Variants in CNIH3 observed in about 807,000 individuals in gnomAD.
CNIH3 encodes cornichon family AMPA receptor auxiliary protein 3.
A neutral mutation model predicts 24.1 loss-of-function variants in CNIH3; 14 were observed. That is an observed-to-expected ratio of 0.58 (90% confidence interval 0.38 to 0.91). The LOEUF is 0.91. CNIH3 is among the 40% of genes least tolerant of loss of function. The probability of loss-of-function intolerance (pLI) is 0.00; values close to 1 mark genes in which losing one functional copy is unlikely to be tolerated. For synonymous variants in CNIH3, 68 were observed against 73.8 expected (o/e 0.92, Z 0.40); for missense variants, 178 against 196.8 (o/e 0.90, Z 0.57).
intron 1 of CNIH3, among the ~76,000 whole-genome samples, chr1:224,440,609 GC>G (rs1210402319): frequency 6.6e-6 from 1 of 152,170 alleles, no homozygotes; most frequent in Non-Finnish European, 1.5e-5. Flanking sequence ...AGTGAATAAT[GC>G]ATGTTACAAA....
At chr1:224,488,454 G>T (rs923381239) in intron 1 of CNIH3, among the ~76,000 whole-genome samples, 6 of 48,292 alleles carry the variant, frequency 1.2e-4, no homozygotes, top group African/African-American at 1.8e-4. Flanking sequence ...AGCCCATTCA[G>T]TAATTTTTTT....
chr1:224,511,314 C>T (rs1474831144), upstream of CNIH3, among the ~76,000 whole-genome samples: 1 of 152,192 alleles, frequency 6.6e-6, no homozygotes, highest in East Asian at 1.9e-4. Flanking sequence ...CTGTAAAATA[C>T]TCCTCTATCT....
At chr1:224,538,251 G>C (rs1679369783), downstream of CNIH3, among the ~76,000 whole-genome samples, 1 of 151,914 alleles carries the variant, frequency 6.6e-6, no homozygotes. Context: ...GCCTGGCCCA[G>C]ACATGTTAAT....
At chr1:224,447,949 C>T (rs778115517) in intron 1 of CNIH3, among the ~76,000 whole-genome samples, 14 of 152,148 alleles carry the variant, frequency 9.2e-5, no homozygotes, top group Admixed American at 4.6e-4. Context: ...ATAATTTGCC[C>T]AGGGTCACAC....
intron 1 of CNIH3, among the ~76,000 whole-genome samples, chr1:224,648,566 C>T (rs754502027): frequency 5.9e-5 from 9 of 152,178 alleles, no homozygotes; most frequent in Non-Finnish European, 1.5e-5. Flanking sequence ...AGGCATTCTT[C>T]ATTCTTCAGA....
At chr1:224,631,519 T>C (rs1043037396) in intron 1 of CNIH3, among the ~76,000 whole-genome samples, 2 of 152,212 alleles carry the variant, frequency 1.3e-5, no homozygotes, top group Non-Finnish European at 1.5e-5. Context: ...CTCTTGTTCA[T>C]CTTCCCTTCT....
At chr1:224,677,142 T>C (rs1332610249) in intron 1 of CNIH3, among the ~76,000 whole-genome samples, 3 of 152,128 alleles carry the variant, frequency 2.0e-5, no homozygotes, top group African/African-American at 4.8e-5. Flanking sequence ...AATAGTGAGG[T>C]AGGTACTATT....
At chr1:224,634,874 C>T (rs901799634) in intron 1 of CNIH3, among the ~76,000 whole-genome samples, 29 of 152,194 alleles carry the variant, frequency 1.9e-4, no homozygotes, top group Admixed American at 1.4e-3. Context: ...GCTGCATCCC[C>T]GCCAGGAGCT....
At chr1:224,636,174 C>T (rs1684080363) in intron 1 of CNIH3, among the ~76,000 whole-genome samples, 1 of 152,204 alleles carries the variant, frequency 6.6e-6, no homozygotes, top group Admixed American at 6.5e-5. Context: ...TGCACCAGGT[C>T]TTAGCTGATG....
downstream of CNIH3, among the ~76,000 whole-genome samples, chr1:224,589,342 G>A (rs1681651974): frequency 2.0e-5 from 3 of 152,184 alleles, no homozygotes; most frequent in South Asian, 6.2e-4. Context: ...ACAGCATCAT[G>A]TTTATAATAA....
At chr1:224,516,013 T>C (rs1162628313) in intron 1 of CNIH3, 2 of 151,998 alleles carry the variant, frequency 1.3e-5, no homozygotes, top group Non-Finnish European at 2.9e-5. Context: ...CCCACAAATG[T>C]AGAGAAAAAA....
At chr1:224,575,317 A>G in intron 4 of CNIH3, 2 of 1,029,364 alleles carry the variant, frequency 1.9e-6, no homozygotes, top group East Asian at 2.4e-5. Flanking sequence ...TTCAGTTACA[A>G]CAGAACTGGA....
At chr1:224,619,464 GTAA>G (rs1683179329) in intron 1 of CNIH3, among the ~76,000 whole-genome samples, 1 of 152,168 alleles carries the variant, frequency 6.6e-6, no homozygotes, top group Non-Finnish European at 1.5e-5. Flanking sequence ...TCAAATTACG[GTAA>G]TAATTTCATA....
At chr1:224,639,528 C>A (rs1684253950) in intron 1 of CNIH3, among the ~76,000 whole-genome samples, 1 of 152,202 alleles carries the variant, frequency 6.6e-6, no homozygotes, top group Non-Finnish European at 1.5e-5. Context: ...AAAACAATAG[C>A]CAAGGAAATT....
chr1:224,537,978 T>C (rs1679355859), downstream of CNIH3, among the ~76,000 whole-genome samples: 1 of 150,978 alleles, frequency 6.6e-6, no homozygotes, highest in Non-Finnish European at 1.5e-5. Flanking sequence ...TGAGACAGAG[T>C]CTCACTCTGT....
chr1:224,504,992 C>A (rs1474841573), intron 1 of CNIH3, among the ~76,000 whole-genome samples: 1 of 132,672 alleles, frequency 7.5e-6, no homozygotes, highest in Admixed American at 7.8e-5. Context: ...ATTATTTTCC[C>A]TTTCCCTCCC....
At chr1:224,518,523 G>A (rs1411576364) in intron 1 of CNIH3, among the ~76,000 whole-genome samples, 2 of 151,658 alleles carry the variant, frequency 1.3e-5, no homozygotes, top group Non-Finnish European at 2.9e-5. Flanking sequence ...TTAGAGACAG[G>A]GTCTTGCTAT....
At chr1:224,644,491 C>T (rs1344831359) in intron 1 of CNIH3, among the ~76,000 whole-genome samples, 1 of 152,060 alleles carries the variant, frequency 6.6e-6, no homozygotes, top group Non-Finnish European at 1.5e-5. Flanking sequence ...ATGTCTGAGG[C>T]GATGTCTGGC....
chr1:224,616,343 G>GGCGGCA lies in CNIH3; in HGVS notation c.-823_-818dup, dbSNP rs1553275341. On this transcript the variant is annotated 5_prime_UTR_variant, in exon 1 of 6. Coordinates refer to ENST00000272133, the MANE Select transcript of CNIH3 (RefSeq NM_152495.2). ...CAGTGGCAAAGGCGGCGGCGGCGGC[G>GGCGGCA]GCGGCAGCGGCAGCAGCAGGTGGAG... 3,033 of 492,552 alleles carry GGCGGCA rather than the reference G, an allele frequency of 6.2e-3. 86 individuals carry two copies. The highest frequency in any genetic ancestry group is 0.058 in the African/African-American group (2,713 of 46,814). 30.5% of individuals were successfully genotyped at this position (492,552 alleles called of 1,614,324 possible). A position where few individuals can be genotyped will look rare whatever the true frequency, so the allele number is the denominator to read the frequency against.
Sources: gnomAD v4.1 joint callset for allele counts (sites outside exome capture counted in the v4.1 genomes callset) on GRCh38, gnomAD v4.1.1 for gene constraint, MANE v1.5 for transcripts, NCBI Gene and HGNC (gene_info 2026-07-23, HGNC 2026-07-21) for gene names.